Variants in NNMT observed in about 807,000 individuals in gnomAD.
NNMT encodes the protein nicotinamide N-methyltransferase.
A neutral mutation model predicts 11.7 loss-of-function variants in NNMT; 10 were observed. The ratio of observed to expected loss-of-function variants is 0.85; its 90% CI spans 0.53 to 1.45. NNMT has a LOEUF of 1.45. Ranked by LOEUF, NNMT falls within the 40% of genes most tolerant of loss-of-function variation. NNMT has a pLI of 0.00. For synonymous variants in NNMT, 143 were observed against 133.8 expected (o/e 1.07, Z -0.48); for missense variants, 381 against 319.4 (o/e 1.19, Z -1.47).
At chr11:114,281,684 A>G (rs2051441) in intron 2 of NNMT, among the ~76,000 whole-genome samples, 151,924 of 152,256 alleles carry the variant, frequency 1, 75,799 homozygotes, top group Middle Eastern at 1. Context: ...ATAGATACAC[A>G]CTCCATGAGC....
intron 2 of NNMT, among the ~76,000 whole-genome samples, chr11:114,276,761 A>C (rs1366429914): frequency 6.6e-6 from 1 of 152,022 alleles, no homozygotes; most frequent in African/African-American, 2.4e-5. Context: ...CCCATTCAGC[A>C]CCTCCATCCT....
chr11:114,266,465 T>C (rs1215208834), intron 2 of NNMT, among the ~76,000 whole-genome samples: 1 of 152,164 alleles, frequency 6.6e-6, no homozygotes, highest in Non-Finnish European at 1.5e-5. Context: ...CTCACTGTGA[T>C]TCATTTGTTT....
At position 114,312,788 on chromosome 11, in the gene NNMT, A is replaced by G. The variant is rs746491344; in HGVS notation, c.*311A>G. 3.8e-5 allele frequency: 12 copies of G among 316,896 alleles called. No homozygotes were observed. Among genetic ancestry groups the G allele is most frequent in the Non-Finnish European group, 5.9e-5 (10 of 170,692 alleles). The allele number at this position is 316,896 out of a possible 1,614,324, so 19.6% of individuals were successfully genotyped here. On this transcript the variant is annotated 3_prime_UTR_variant, in exon 3 of 3. Transcript: ENST00000299964. ...GCGGCTCAAGCCCGTACCTGCCTAC[A>G]GAGAAGTGTCTGCAGTTACTCACTA...
intron 1 of NNMT, among the ~76,000 whole-genome samples, chr11:114,261,165 T>C (rs1288673176): frequency 6.6e-6 from 1 of 152,152 alleles, no homozygotes; most frequent in Non-Finnish European, 1.5e-5. Flanking sequence ...AGCCTGGGAT[T>C]CTGGAGTAGT....
At chr11:114,273,568 G>A (rs1419841205) in intron 2 of NNMT, among the ~76,000 whole-genome samples, 4 of 152,168 alleles carry the variant, frequency 2.6e-5, no homozygotes, top group East Asian at 1.9e-4. Flanking sequence ...GGCCAGGTGC[G>A]GTGGCTCATG....
chr11:114,292,275 A>T (rs1945340537), upstream of NNMT, among the ~76,000 whole-genome samples: 1 of 152,212 alleles, frequency 6.6e-6, no homozygotes, highest in South Asian at 2.1e-4. Flanking sequence ...AAAAGGGTGT[A>T]TCTTGAGAGT....
At chr11:114,286,211 T>C (rs1490480883) in intron 2 of NNMT, among the ~76,000 whole-genome samples, 1 of 152,228 alleles carries the variant, frequency 6.6e-6, no homozygotes, top group Non-Finnish European at 1.5e-5. Flanking sequence ...AGACTTGATC[T>C]CTAAATTTGT....
intron 1 of NNMT, among the ~76,000 whole-genome samples, chr11:114,262,380 G>A (rs1045257553): frequency 1.1e-4 from 16 of 151,920 alleles, no homozygotes; most frequent in South Asian, 2.1e-4. Context: ...CACAGGCCCC[G>A]GTGTGTGTTG....
chr11:114,311,962 G>A (rs1371435279), intron 2 of NNMT, 83 bp from the exon 3 acceptor site: 13 of 1,420,858 alleles, frequency 9.1e-6, no homozygotes, highest in South Asian at 1.4e-5. Flanking sequence ...GGGACAATAC[G>A]GCCATTTTTA....
chr11:114,305,447 C>T (rs1438332244), intron 2 of NNMT, among the ~76,000 whole-genome samples: 2 of 151,922 alleles, frequency 1.3e-5, no homozygotes, highest in East Asian at 1.9e-4. Context: ...GTGCTGCACC[C>T]ATTAACTCGT....
At chr11:114,285,362 C>G (rs1215879154) in intron 2 of NNMT, among the ~76,000 whole-genome samples, 1 of 152,094 alleles carries the variant, frequency 6.6e-6, no homozygotes, top group Non-Finnish European at 1.5e-5. Context: ...CAGTGACGCC[C>G]TTATGGTCTG....
At chr11:114,260,892 C>T (rs912135289) in intron 1 of NNMT, among the ~76,000 whole-genome samples, 5 of 152,206 alleles carry the variant, frequency 3.3e-5, no homozygotes, top group African/African-American at 1.2e-4. Context: ...CTGCTGTGCA[C>T]CGCGTGACCT....
intron 2 of NNMT, among the ~76,000 whole-genome samples, chr11:114,273,695 C>T (rs573557342): frequency 2.6e-5 from 4 of 152,172 alleles, no homozygotes; most frequent in Admixed American, 6.5e-5. Context: ...CTAAAATTAG[C>T]CGGGTATGGT....
intron 2 of NNMT, among the ~76,000 whole-genome samples, chr11:114,284,354 G>A (rs540462556): frequency 4.6e-5 from 7 of 152,342 alleles, no homozygotes; most frequent in South Asian, 2.1e-4. Flanking sequence ...TGGACACCTC[G>A]TGGCTGGACT....
intron 1 of NNMT, among the ~76,000 whole-genome samples, chr11:114,261,252 C>T (rs193166109): frequency 3.4e-3 from 523 of 152,242 alleles, no homozygotes; most frequent in Middle Eastern, 0.014. Context: ...CTGCTAAGGC[C>T]GCCTGGAAAG....
chr11:114,268,782 A>AC (rs1340411299), intron 2 of NNMT, among the ~76,000 whole-genome samples: 1 of 151,156 alleles, frequency 6.6e-6, no homozygotes, highest in African/African-American at 2.5e-5. Context: ...AAAAAAAAAA[A>AC]AAAAAAAAAC....
intron 2 of NNMT, among the ~76,000 whole-genome samples, chr11:114,268,402 G>A (rs1014738592): frequency 2.0e-5 from 3 of 152,084 alleles, no homozygotes; most frequent in Non-Finnish European, 4.4e-5. Flanking sequence ...TGTTAGGAGA[G>A]GGTCAGCCTC....
chr11:114,260,025 G>A (rs924477528), intron 1 of NNMT, among the ~76,000 whole-genome samples: 6 of 152,140 alleles, frequency 3.9e-5, no homozygotes, highest in Admixed American at 2.0e-4. Context: ...TCTGGGACCC[G>A]ATGGGGCTCC....
chr11:114,283,044 G>A (rs140568475), intron 2 of NNMT, among the ~76,000 whole-genome samples: 95 of 152,296 alleles, frequency 6.2e-4, no homozygotes, highest in African/African-American at 2.1e-3. Context: ...TGGGTGTGCC[G>A]ATACAGGGAA....
Sources: allele counts gnomAD v4.1 joint callset (sites outside exome capture counted in the v4.1 genomes callset), GRCh38; gene constraint gnomAD v4.1.1; transcripts MANE v1.5; gene names NCBI Gene and HGNC (gene_info 2026-07-23, HGNC 2026-07-21).